The following LOXL2 variants were observed in gnomAD, a reference collection of about 807,000 sequenced individuals.
LOXL2 encodes the protein lysyl oxidase homolog 2.
Under a neutral mutation model 93.0 loss-of-function variants are expected in LOXL2, and 70 were observed. That is an observed-to-expected ratio of 0.75 (90% confidence interval 0.62 to 0.92). The LOEUF is 0.92. LOXL2 is among the 40% of genes least tolerant of loss of function. The pLI is 0.00. For synonymous variants in LOXL2, 438 were observed against 413.2 expected, an observed-to-expected ratio of 1.06 and a Z score of -0.73; for missense variants, 973 against 1,054.9, an observed-to-expected ratio of 0.92 and a Z score of 1.08.
At chr8:23,390,316 A>T (rs1804822741) in intron 1 of LOXL2, among the ~76,000 whole-genome samples, 1 of 152,232 alleles carries the variant, frequency 6.6e-6, no homozygotes, top group Non-Finnish European at 1.5e-5. Flanking sequence ...CTCGGGGGCC[A>T]TGGGACCCTT....
chr8:23,347,338 C>G (rs778871983), intron 3 of LOXL2, among the ~76,000 whole-genome samples: 6 of 151,518 alleles, frequency 4.0e-5, no homozygotes, highest in Non-Finnish European at 7.4e-5. Context: ...GCTGAGGTGA[C>G]AGAGCAAGAC....
chr8:23,376,811 T>C (rs9644074), intron 1 of LOXL2, among the ~76,000 whole-genome samples: 75,574 of 151,742 alleles, frequency 0.5, 19,202 homozygotes, highest in East Asian at 0.67. Flanking sequence ...TTTATTGCAT[T>C]TGTTTGATTC....
chr8:23,360,110 A>G lies in LOXL2; in HGVS notation c.511T>C (p.Ser171Pro), dbSNP rs1375014278. The change falls in exon 3 of 14, where the codon TCG (serine) becomes CCG (proline). Residue 171 changes from serine (S) to proline (P), a missense_variant. Ser to Pro is a moderately conservative substitution (Grantham distance 74). Coordinates refer to ENST00000389131, the MANE Select transcript of LOXL2 (RefSeq NM_002318.3). ...KRIPGFKFDNSLINQIENLNI... is the reference protein window; with the variant it reads ...KRIPGFKFDNPLINQIENLNI... ...CTTGCCTCTATCTGGTTGATCAACG[A>G]ATTGTCAAATTTGAACCCAGGAATC... is the stretch of plus-strand genomic sequence containing the variant. The G allele has an allele frequency of 1.2e-6, 2 of 1,605,098 alleles. No homozygotes were observed. Among genetic ancestry groups the G allele is most frequent in the Admixed American group, 1.7e-5 (1 of 59,914 alleles).
intron 8 of LOXL2, among the ~76,000 whole-genome samples, 198 bp from the exon 9 acceptor site, chr8:23,317,312 G>T (rs76278588): frequency 6.6e-6 from 1 of 151,836 alleles, no homozygotes; most frequent in Non-Finnish European, 1.5e-5. Context: ...TCTCCTGAGT[G>T]TAGCACTTGG....
Position 23,360,157 on chromosome 8 carries a change from C to A in LOXL2, c.464G>T (p.Gly155Val), listed in dbSNP as rs539215095. Residue 155 changes from glycine (G) to valine (V), a missense_variant, in exon 3 of 14, where the codon GGT (glycine) becomes GTT (valine). Coordinates refer to ENST00000389131, the MANE Select transcript of LOXL2 (RefSeq NM_002318.3). ...VTDCKHTEDV[G>V]VVCSDKRIPG... ...AATCCTTTTGTCGCTGCACACCACA[C>A]CGACATCCTCCGTGTGCTTGCAGTC... 1.4e-4 allele frequency: 229 copies of A among 1,614,050 alleles called. 2 individuals carry two copies. The South Asian group carries it at 2.3e-3, about 16-fold the overall frequency.
intron 4 of LOXL2, among the ~76,000 whole-genome samples, chr8:23,338,236 G>T (rs1454416762): frequency 3.3e-5 from 5 of 152,190 alleles, no homozygotes; most frequent in East Asian, 3.9e-4. Context: ...GACATGTGGG[G>T]TTATGGGAGC....
intron 1 of LOXL2, among the ~76,000 whole-genome samples, chr8:23,403,159 G>T (rs1405062480): frequency 6.6e-6 from 1 of 152,172 alleles, no homozygotes; most frequent in African/African-American, 2.4e-5. Context: ...AAGCGCCTGC[G>T]TAAAAGTTGT....
chr8:23,388,714 A>C (rs886516537), intron 1 of LOXL2, among the ~76,000 whole-genome samples: 3 of 151,466 alleles, frequency 2.0e-5, no homozygotes, highest in African/African-American at 7.3e-5. Flanking sequence ...TATTAGCAAA[A>C]AGCTTAATTA....
chr8:23,321,123 C>T (rs2117159064), intron 7 of LOXL2, among the ~76,000 whole-genome samples: 1 of 152,300 alleles, frequency 6.6e-6, no homozygotes, highest in Middle Eastern at 3.4e-3. Flanking sequence ...CCCTACCCTC[C>T]CTCATCTCTT....
At chr8:23,314,604 G>A (rs1353879967) in intron 9 of LOXL2, among the ~76,000 whole-genome samples, 5 of 150,904 alleles carry the variant, frequency 3.3e-5, no homozygotes, top group African/African-American at 7.3e-5. Context: ...GAGAACACAC[G>A]GACACAGGAA....
intron 12 of LOXL2, among the ~76,000 whole-genome samples, chr8:23,300,149 C>G (rs903979677): frequency 2.0e-5 from 3 of 152,252 alleles, no homozygotes; most frequent in African/African-American, 4.8e-5. Context: ...CCAGGCGTCT[C>G]GACAGTGCAG....
chr8:23,353,450 G>C (rs537165619), intron 3 of LOXL2, among the ~76,000 whole-genome samples: 11 of 152,288 alleles, frequency 7.2e-5, no homozygotes, highest in African/African-American at 2.4e-4. Context: ...CTGTTTTATA[G>C]GACAGTGTCC....
At chr8:23,317,729 A>T (rs936639706) in intron 8 of LOXL2, among the ~76,000 whole-genome samples, 1 of 152,228 alleles carries the variant, frequency 6.6e-6, no homozygotes, top group African/African-American at 2.4e-5. Context: ...CCTTTGCTCT[A>T]TGGGCCTTCG....
chr8:23,366,841 C>G (rs1354340383), intron 2 of LOXL2, among the ~76,000 whole-genome samples: 1 of 152,214 alleles, frequency 6.6e-6, no homozygotes, highest in Non-Finnish European at 1.5e-5. Context: ...ATTCCCTCCA[C>G]CCTTATCTCT....
intron 1 of LOXL2, among the ~76,000 whole-genome samples, chr8:23,380,578 G>C (rs2117225532): frequency 6.6e-6 from 1 of 152,100 alleles, no homozygotes; most frequent in South Asian, 2.1e-4. Flanking sequence ...CCTCCTCTGG[G>C]GGATTGTAAC....
chr8:23,333,062 C>T (rs1048062020), intron 5 of LOXL2, among the ~76,000 whole-genome samples: 8 of 152,286 alleles, frequency 5.3e-5, no homozygotes, highest in African/African-American at 1.9e-4. Flanking sequence ...AAATGTGTCG[C>T]TGACTGCATG....
intron 1 of LOXL2, among the ~76,000 whole-genome samples, chr8:23,380,063 A>C (rs112652159): frequency 2.6e-5 from 4 of 152,090 alleles, no homozygotes; most frequent in African/African-American, 9.7e-5. Flanking sequence ...AGCTGTTCCT[A>C]TTTGGCCATC....
At chr8:23,394,262 G>A (rs967502915) in intron 1 of LOXL2, among the ~76,000 whole-genome samples, 11 of 151,848 alleles carry the variant, frequency 7.2e-5, no homozygotes, top group South Asian at 2.1e-4. Context: ...ATACGGTAGC[G>A]CGTGCCTGTA....
intron 9 of LOXL2, chr8:23,316,680 G>A: frequency 2.2e-6 from 1 of 460,778 alleles, no homozygotes; most frequent in Non-Finnish European, 3.8e-6. Context: ...TCTGCCCTGG[G>A]TCACTGCAGT....
Sources: allele counts gnomAD v4.1 joint callset (sites outside exome capture counted in the v4.1 genomes callset), GRCh38; gene constraint gnomAD v4.1.1; transcripts MANE v1.5; gene names NCBI Gene and HGNC (gene_info 2026-07-23, HGNC 2026-07-21).